ZNF333: variants seen among roughly 807,000 people sequenced by gnomAD.
ZNF333 encodes zinc finger protein 333.
A neutral mutation model predicts 76.1 loss-of-function variants in ZNF333; 61 were observed. That is an observed-to-expected ratio of 0.80 (90% CI 0.65 to 0.99). ZNF333 has a LOEUF of 0.99. Among genes scored for constraint, ZNF333 ranks in the 50% least tolerant of loss-of-function variants. ZNF333 has a pLI of 0.00. For missense variants in ZNF333, 717 were observed against 822.4 expected, an observed-to-expected ratio of 0.87 and a Z score of 1.57; for synonymous variants, 284 against 305.0, an observed-to-expected ratio of 0.93 and a Z score of 0.72.
chr19:14,710,967 G>A (rs1383506743), intron 7 of ZNF333, among the ~76,000 whole-genome samples: 2 of 151,868 alleles, frequency 1.3e-5, no homozygotes, highest in African/African-American at 2.4e-5. Flanking sequence ...CAGGAGCGGG[G>A]GCAGTGGGGG....
chr19:14,720,974 T>C lies in ZNF333; in HGVS notation c.*1649T>C, dbSNP rs2042572646. 2.2e-6 allele frequency: 2 copies of C among 911,254 alleles called. No homozygotes were observed. Among genetic ancestry groups the C allele is most frequent in the Non-Finnish European group, 2.6e-6 (2 of 762,682 alleles). The allele number at this position is 911,254 out of a possible 1,614,324, so 56.4% of individuals were successfully genotyped here. A position where few individuals can be genotyped will look rare whatever the true frequency, so the allele number is the denominator to read the frequency against. On this transcript the variant is annotated 3_prime_UTR_variant, in exon 12 of 12. Coordinates refer to ENST00000292530, the MANE Select transcript of ZNF333 (RefSeq NM_032433.4). ...TTACATTTCCAACAAATTGTTACTT[T>C]TATTCTTATAAAGTGATCATCCTTT...
Position 14,695,055 on chromosome 19 carries a change from T to C in ZNF333, c.49T>C (p.Trp17Arg). ...EDVAVEFIQEWALLDSARRSL... is the reference protein window; with the variant it reads ...EDVAVEFIQERALLDSARRSL... Reference sequence around the variant, plus strand: ...TGTGGCCGTGGAGTTCATCCAGGAGTGGGCATTGCTGGACAGCGCACGGAG... The same window carrying C: ...TGTGGCCGTGGAGTTCATCCAGGAGCGGGCATTGCTGGACAGCGCACGGAG... Residue 17 changes from tryptophan to arginine, a missense_variant, in exon 3 of 12, where the codon TGG becomes CGG. Trp to Arg is a moderately radical substitution (Grantham distance 101). Transcript: ENST00000292530. 1.2e-6 allele frequency: 2 copies of C among 1,613,954 alleles called. No individual in the cohort carries two copies. The highest frequency in any genetic ancestry group is 1.7e-6 in the Non-Finnish European group (2 of 1,179,980).
chr19:14,727,089 G>A (rs374790707), intron 11 of ZNF333, among the ~76,000 whole-genome samples: 11 of 130,026 alleles, frequency 8.5e-5, no homozygotes, highest in East Asian at 2.5e-4. Context: ...GTGCAGTGGC[G>A]CAATCTTGGC....
intron 5 of ZNF333, chr19:14,701,854 TG>T: frequency 1.0e-6 from 1 of 985,524 alleles, no homozygotes; most frequent in Non-Finnish European, 1.2e-6. Context: ...TTAGAGAAGC[TG>T]AGGAGTTCAT....
downstream of ZNF333, among the ~76,000 whole-genome samples, chr19:14,722,079 T>C (rs2042596037): frequency 6.6e-6 from 1 of 152,244 alleles, no homozygotes; most frequent in Non-Finnish European, 1.5e-5. Flanking sequence ...CTTCACATCC[T>C]TGGCAACATG....
chr19:14,726,216 C>G (rs112624962), downstream of ZNF333, among the ~76,000 whole-genome samples: 1 of 152,160 alleles, frequency 6.6e-6, no homozygotes, highest in South Asian at 2.1e-4. Context: ...GTGGCTGGAA[C>G]GTGGAGAATG....
chr19:14,700,961 G>C (rs2041939612), intron 5 of ZNF333, among the ~76,000 whole-genome samples: 1 of 152,184 alleles, frequency 6.6e-6, no homozygotes, highest in Admixed American at 6.5e-5. Flanking sequence ...ACCCTGTGCA[G>C]CTTGGTGTGG....
Position 14,695,680 on chromosome 19 carries a change from G to A in ZNF333, c.223+19G>A, listed in dbSNP as rs552119041. ...GGTGTTGGTGAGTACCAGGCAGGCT[G>A]TGGATCCCCCGACCCCCCTGGTTGG... On this transcript the variant is annotated intron_variant, in intron 4 of 11. Transcript: ENST00000292530. 2 of 1,612,050 alleles carry A rather than the reference G, an allele frequency of 1.2e-6. No individual in the cohort carries two copies. Among genetic ancestry groups the A allele is most frequent in the Admixed American group, 3.3e-5 (2 of 59,940 alleles).
At chr19:14,691,705 C>T (rs538843219) in intron 1 of ZNF333, among the ~76,000 whole-genome samples, 29 of 119,370 alleles carry the variant, frequency 2.4e-4, no homozygotes, top group Non-Finnish European at 3.5e-4. Flanking sequence ...GAGACAGAGT[C>T]TCACTTCATC....
chr19:14,710,929 T>A (rs57177970), intron 7 of ZNF333, among the ~76,000 whole-genome samples: 12,121 of 148,098 alleles, frequency 0.082, 732 homozygotes, highest in African/African-American at 0.18. Context: ...GAAGCCAGTG[T>A]GCGGAGATCA....
Position 14,719,399 on chromosome 19 carries a change from G to T in ZNF333, c.*74G>T. 7.0e-7 allele frequency: 1 copy of T among 1,422,524 alleles called. No individual in the cohort carries two copies. Among genetic ancestry groups the T allele is most frequent in the Admixed American group, 2.4e-5 (1 of 41,072 alleles). 88.1% of individuals were successfully genotyped at this position (1,422,524 alleles called of 1,614,324 possible). A position where few individuals can be genotyped will look rare whatever the true frequency, so the allele number is the denominator to read the frequency against. On this transcript the variant is annotated 3_prime_UTR_variant, in exon 12 of 12. Transcript: ENST00000292530. ...TAATACTCCTTTAGCTGCATCCTGT[G>T]TTTCAATGTATAATATTTTCATTTT...
At chr19:14,717,850 C>A in intron 11 of ZNF333, 117 bp downstream of exon 11, 1 of 944,588 alleles carries the variant, frequency 1.1e-6, no homozygotes, top group South Asian at 1.5e-5. Flanking sequence ...AGTGTTTACC[C>A]AGAAGGAAGC....
exon 12 of ZNF333, chr19:14,731,378 G>C: frequency 1.7e-6 from 1 of 605,542 alleles, no homozygotes; most frequent in Non-Finnish European, 2.9e-6. Context: ...TCCGGCTTCC[G>C]GGAGCTTAGT....
chr19:14,691,691 T>G (rs1972788094), intron 1 of ZNF333, among the ~76,000 whole-genome samples: 1 of 150,474 alleles, frequency 6.6e-6, no homozygotes, highest in Non-Finnish European at 1.5e-5. Flanking sequence ...TTTTTTTTTT[T>G]TTTGAGACAG....
intron 1 of ZNF333, among the ~76,000 whole-genome samples, chr19:14,692,523 T>A (rs1041299168): frequency 1.3e-5 from 2 of 152,064 alleles, no homozygotes; most frequent in Non-Finnish European, 2.9e-5. Flanking sequence ...TTATTTATTT[T>A]TTTTCTTTCA....
intron 5 of ZNF333, among the ~76,000 whole-genome samples, chr19:14,701,193 TGTG>T (rs1242016708): frequency 2.6e-5 from 4 of 152,208 alleles, no homozygotes; most frequent in Non-Finnish European, 5.9e-5. Flanking sequence ...CCTCATCCGA[TGTG>T]GTGGTTGCGG....
In ZNF333 at chr19:14,720,587, C is replaced by T. The variant is rs2042564962; in HGVS notation, c.*1262C>T. The T allele has an allele frequency of 1.0e-6, 1 of 985,416 alleles. No homozygotes were observed. The allele number at this position is 985,416 out of a possible 1,614,324, so 61.0% of individuals were successfully genotyped here. A position where few individuals can be genotyped will look rare whatever the true frequency, so the allele number is the denominator to read the frequency against. ...ATACATGAAAAATATGCACTTCTTA[C>T]TGGTACAGTTTTCTTTTGTTTGTTT... On this transcript the variant is annotated 3_prime_UTR_variant, in exon 12 of 12. Coordinates refer to ENST00000292530, the MANE Select transcript of ZNF333 (RefSeq NM_032433.4).
downstream of ZNF333, among the ~76,000 whole-genome samples, chr19:14,725,954 CG>C (rs1050755372): frequency 1.1e-4 from 16 of 152,254 alleles, no homozygotes; most frequent in African/African-American, 3.6e-4. Flanking sequence ...TGTGGGGGTA[CG>C]GGGGAATCCA....
intron 7 of ZNF333, among the ~76,000 whole-genome samples, chr19:14,712,571 T>G (rs1053391148): frequency 2.0e-5 from 3 of 151,992 alleles, no homozygotes; most frequent in Non-Finnish European, 4.4e-5. Flanking sequence ...ATACCAAAAG[T>G]CCGAAATTAA....
Sources: gnomAD v4.1 joint callset for allele counts (sites outside exome capture counted in the v4.1 genomes callset) on GRCh38, gnomAD v4.1.1 for gene constraint, MANE v1.5 for transcripts, NCBI Gene and HGNC (gene_info 2026-07-23, HGNC 2026-07-21) for gene names.